LMNTD1: variants seen among roughly 807,000 people sequenced by gnomAD.
LMNTD1 encodes the protein lamin tail domain-containing protein 1.
In LMNTD1, 35 loss-of-function variants were observed where a neutral mutation model predicts 50.9. The ratio of observed to expected loss-of-function variants is 0.69; its 90% CI spans 0.53 to 0.91. LMNTD1 has a LOEUF of 0.91. LMNTD1 is among the 40% of genes least tolerant of loss of function. The probability of loss-of-function intolerance (pLI) is 0.00; values close to 1 mark genes in which losing one functional copy is unlikely to be tolerated. For missense variants in LMNTD1, 470 were observed against 475.5 expected, an observed-to-expected ratio of 0.99 and a Z score of 0.11; for synonymous variants, 153 against 161.9, an observed-to-expected ratio of 0.94 and a Z score of 0.42.
chr12:25,497,903 T>C (rs1332873357), intron 9 of LMNTD1: 1 of 152,182 alleles, frequency 6.6e-6, no homozygotes, highest in African/African-American at 2.4e-5. Context: ...AATGAATTTC[T>C]CTTCATGGTC....
chr12:25,639,559 A>G (rs1242538704), intron 1 of LMNTD1, among the ~76,000 whole-genome samples: 1 of 152,210 alleles, frequency 6.6e-6, no homozygotes, highest in East Asian at 1.9e-4. Context: ...ACACGAAAAG[A>G]TCATTAATCA....
chr12:25,594,629 C>T lies in LMNTD1; in HGVS notation c.59-48075G>A, dbSNP rs113836887. Among the ~76,000 whole-genome samples the T allele has an allele frequency of 4.3e-3, 517 of 120,168 alleles. 4 individuals carry two copies. Among genetic ancestry groups the T allele is most frequent in the African/African-American group, 0.017 (508 of 29,948 alleles). 78.8% of individuals were successfully genotyped at this position (120,168 alleles called of 152,430 possible). On this transcript the variant is annotated intron_variant, in intron 1 of 7. Coordinates refer to the LMNTD1 transcript ENST00000445693. ...GCACATCTTTAAAGCATAAATCTCA[C>T]AGGACCTATAAAACAGAAATACAAA...
intron 4 of LMNTD1, among the ~76,000 whole-genome samples, chr12:25,531,883 C>T (rs1942250971): frequency 6.6e-6 from 1 of 152,180 alleles, no homozygotes; most frequent in Non-Finnish European, 1.5e-5. Context: ...CAGTGATTCT[C>T]TCTTCTGCTA....
intron 1 of LMNTD1, among the ~76,000 whole-genome samples, chr12:25,562,236 G>T (rs900868808): frequency 1.3e-5 from 2 of 152,150 alleles, no homozygotes; most frequent in African/African-American, 2.4e-5. Flanking sequence ...AGCATTGATG[G>T]TCTTTACAAT....
chr12:25,521,689 G>T (rs902650299), intron 6 of LMNTD1, among the ~76,000 whole-genome samples: 2 of 152,126 alleles, frequency 1.3e-5, no homozygotes, highest in African/African-American at 4.8e-5. Flanking sequence ...CGAGCAAAAA[G>T]TAATGGTAAC....
chr12:25,620,905 G>A (rs1010140748), intron 1 of LMNTD1, among the ~76,000 whole-genome samples: 1 of 152,194 alleles, frequency 6.6e-6, no homozygotes, highest in Non-Finnish European at 1.5e-5. Context: ...TATGCAATAG[G>A]TGTGTTACCC....
intron 8 of LMNTD1, among the ~76,000 whole-genome samples, chr12:25,507,153 G>T (rs1207586900): frequency 6.6e-6 from 1 of 152,122 alleles, no homozygotes; most frequent in South Asian, 2.1e-4. Flanking sequence ...TGGGATTACA[G>T]GTGTGAGCTA....
At chr12:25,556,674 G>T (rs942686203), upstream of LMNTD1, among the ~76,000 whole-genome samples, 4 of 152,172 alleles carry the variant, frequency 2.6e-5, no homozygotes, top group African/African-American at 9.7e-5. Context: ...AGCCCCATAA[G>T]AGTAGATGTG....
At chr12:25,602,226 ACT>A (rs1945995987) in intron 1 of LMNTD1, among the ~76,000 whole-genome samples, 1 of 151,468 alleles carries the variant, frequency 6.6e-6, no homozygotes, top group Non-Finnish European at 1.5e-5. Flanking sequence ...AGGCAGCATA[ACT>A]CTGGTTGCCA....
At position 25,518,899 on chromosome 12, in the gene LMNTD1, G is replaced by T. The variant is rs745367335; in HGVS notation, c.1085C>A (p.Ala362Glu). 12 of 1,614,114 alleles carry T rather than the reference G, an allele frequency of 7.4e-6. No individual in the cohort carries two copies. The highest frequency in any genetic ancestry group is 1.0e-5 in the Non-Finnish European group (12 of 1,179,988). Reference sequence around the variant, plus strand: ...TTCAATCAGAGGACAGTAAGGATGTGCAGAGACATAGGGATTCTGGCACCA... The same window carrying T: ...TTCAATCAGAGGACAGTAAGGATGTTCAGAGACATAGGGATTCTGGCACCA... ...SPWCQNPYVS[A>E]HPYCPLIEPH... Residue 362 changes from alanine (A) to glutamate (E), a missense_variant, in exon 8 of 10, where the codon GCA (alanine) becomes GAA (glutamate). By Grantham distance (107) the Ala-to-Glu change is moderately radical. Coordinates refer to ENST00000458174, the MANE Select transcript of LMNTD1 (RefSeq NM_001145728.2).
chr12:25,581,149 G>T (rs939707709), intron 1 of LMNTD1, among the ~76,000 whole-genome samples: 1 of 152,146 alleles, frequency 6.6e-6, no homozygotes, highest in African/African-American at 2.4e-5. Context: ...ACAATGGACT[G>T]CATGCCTATT....
chr12:25,647,448 C>A (rs997032086), intron 1 of LMNTD1, among the ~76,000 whole-genome samples: 7 of 152,072 alleles, frequency 4.6e-5, no homozygotes, highest in African/African-American at 1.7e-4. Context: ...TGAGAATGAG[C>A]CATGGCTCTC....
intron 1 of LMNTD1, among the ~76,000 whole-genome samples, chr12:25,575,416 T>C (rs1944962824): frequency 6.6e-6 from 1 of 152,162 alleles, no homozygotes; most frequent in Non-Finnish European, 1.5e-5. Context: ...TGGAAATAAA[T>C]GCTTCCATAA....
At chr12:25,619,416 C>T (rs1385204836) in intron 1 of LMNTD1, among the ~76,000 whole-genome samples, 1 of 152,152 alleles carries the variant, frequency 6.6e-6, no homozygotes, top group East Asian at 1.9e-4. Flanking sequence ...CACATTATAG[C>T]CCTTTTCACT....
chr12:25,644,243 A>G lies in LMNTD1; in HGVS notation c.58+4251T>C, dbSNP rs190715757. On this transcript the variant is annotated intron_variant, in intron 1 of 7. Transcript: ENST00000445693. ...GTAATCCCAGGACTTTGGGAGGTCA[A>G]GGCAGGAGGATCACTTGAGCCCAGG... is the stretch of plus-strand genomic sequence containing the variant. Among the ~76,000 whole-genome samples, 8 of 149,246 alleles carry G rather than the reference A, an allele frequency of 5.4e-5. No homozygotes were observed. In the East Asian group the frequency reaches 1.6e-3, roughly 30 times the overall value.
rs1260826114 is a variant in LMNTD1, at chr12:25,552,572, ACT to A, written c.89+297_89+298del. 4.3e-5 allele frequency among the ~76,000 whole-genome samples: 3 copies of A among 69,990 alleles called. No homozygotes were observed. The South Asian group carries it at 1.7e-3, about 39-fold the overall frequency. The allele number at this position is 69,990 out of a possible 152,430, so 45.9% of individuals were successfully genotyped here. ...CAGTGAGCCAAGATCGCGCCACTGC[ACT>A]CTGTCTGAAAAAAAAAAAAAAAAAA... On this transcript the variant is annotated intron_variant, in intron 2 of 9. Transcript: ENST00000458174.
chr12:25,621,673 C>T (rs1946476119), intron 1 of LMNTD1, among the ~76,000 whole-genome samples: 1 of 152,062 alleles, frequency 6.6e-6, no homozygotes, highest in South Asian at 2.1e-4. Context: ...TTTGTTTGTA[C>T]CTTAAACAAA....
At chr12:25,600,209 C>G (rs984644385) in intron 1 of LMNTD1, among the ~76,000 whole-genome samples, 1 of 151,886 alleles carries the variant, frequency 6.6e-6, no homozygotes, top group African/African-American at 2.4e-5. Context: ...AAGACAGTCT[C>G]TTCAATAAAT....
At chr12:25,527,674 A>ATATATAT (rs1941877082) in intron 4 of LMNTD1, among the ~76,000 whole-genome samples, 1 of 21,190 alleles carries the variant, frequency 4.7e-5, no homozygotes, top group African/African-American at 1.2e-4. Flanking sequence ...ATATATATAT[A>ATATATAT]TATATATACA....
Sources: gnomAD v4.1 joint callset for allele counts (sites outside exome capture counted in the v4.1 genomes callset) on GRCh38, gnomAD v4.1.1 for gene constraint, MANE v1.5 for transcripts, NCBI Gene and HGNC (gene_info 2026-07-23, HGNC 2026-07-21) for gene names.